The following SNX25 variants were observed in gnomAD, a reference collection of about 807,000 sequenced individuals.
The protein encoded by SNX25 is sorting nexin-25.
SNX25 carries 62 observed loss-of-function variants against 113.7 expected under a neutral mutation model. The ratio of observed to expected loss-of-function variants is 0.55; its 90% CI spans 0.44 to 0.67. The LOEUF is 0.67. SNX25 is among the 30% of genes least tolerant of loss of function. The probability of loss-of-function intolerance (pLI) is 0.00; values close to 1 mark genes in which losing one functional copy is unlikely to be tolerated. For synonymous variants in SNX25, 421 were observed against 436.2 expected, an observed-to-expected ratio of 0.97 and a Z score of 0.43; for missense variants, 1,014 against 1,161.0, an observed-to-expected ratio of 0.87 and a Z score of 1.84.
At chr4:185,238,862 G>A (rs889869486) in intron 1 of SNX25, among the ~76,000 whole-genome samples, 2 of 152,156 alleles carry the variant, frequency 1.3e-5, no homozygotes, top group South Asian at 4.1e-4. Context: ...GAAGAAAATT[G>A]CACGTTACAG....
chr4:185,281,491 G>A (rs1314498676), intron 5 of SNX25, among the ~76,000 whole-genome samples: 1 of 152,126 alleles, frequency 6.6e-6, no homozygotes, highest in East Asian at 1.9e-4. Flanking sequence ...CATAGTGTGT[G>A]TTAGAAACAG....
intron 5 of SNX25, among the ~76,000 whole-genome samples, chr4:185,270,189 A>G (rs1454634090): frequency 1.3e-5 from 2 of 152,130 alleles, no homozygotes; most frequent in African/African-American, 4.8e-5. Context: ...CCGTCTCTAC[A>G]ATAAAAAACA....
chr4:185,267,670 G>T (rs1370104985), intron 5 of SNX25, among the ~76,000 whole-genome samples: 2 of 151,848 alleles, frequency 1.3e-5, no homozygotes, highest in Admixed American at 1.3e-4. Flanking sequence ...GGTGGAGGTT[G>T]CAGTGAGCTG....
chr4:185,291,822 T>C (rs1427736230), intron 6 of SNX25, among the ~76,000 whole-genome samples: 1 of 152,212 alleles, frequency 6.6e-6, no homozygotes, highest in Non-Finnish European at 1.5e-5. Flanking sequence ...TATCTTAACT[T>C]GATCACGTCG....
intron 10 of SNX25, among the ~76,000 whole-genome samples, chr4:185,338,999 CA>C (rs964881013): frequency 1.3e-5 from 2 of 151,108 alleles, no homozygotes; most frequent in East Asian, 1.9e-4. Flanking sequence ...TTTATTTCTG[CA>C]AAAAAAAGTT....
At chr4:185,320,931 T>TA in intron 8 of SNX25, 67 bp downstream of exon 8, 1 of 1,393,822 alleles carries the variant, frequency 7.2e-7, no homozygotes, top group Non-Finnish European at 9.5e-7. Flanking sequence ...TGAGGCAGCA[T>TA]GTCTGTTTTT....
chr4:185,321,533 G>A (rs2095120213), intron 8 of SNX25, among the ~76,000 whole-genome samples: 1 of 152,074 alleles, frequency 6.6e-6, no homozygotes, highest in Admixed American at 6.6e-5. Flanking sequence ...AAAGTACTGG[G>A]ATTACAGTCA....
intron 14 of SNX25, chr4:185,353,153 A>C (rs1485878752): frequency 1.1e-5 from 2 of 182,032 alleles, no homozygotes; most frequent in South Asian, 3.6e-4. Flanking sequence ...CTGCTGTTTT[A>C]AGGGAGTGAA....
intron 10 of SNX25, among the ~76,000 whole-genome samples, chr4:185,338,590 C>T (rs973014035): frequency 2.0e-5 from 3 of 152,018 alleles, no homozygotes; most frequent in African/African-American, 4.8e-5. Flanking sequence ...GCACGGCACC[C>T]TATATTCTGT....
chr4:185,264,364 A>G (rs904672248), intron 3 of SNX25, 74 bp from the exon 4 acceptor site: 3 of 1,380,020 alleles, frequency 2.2e-6, no homozygotes, highest in Admixed American at 4.1e-5. Flanking sequence ...CATTTGAAAT[A>G]TTTTTTACCT....
intron 3 of SNX25, among the ~76,000 whole-genome samples, chr4:185,262,049 C>G (rs112786796): frequency 6.6e-6 from 1 of 152,152 alleles, no homozygotes; most frequent in African/African-American, 2.4e-5. Flanking sequence ...AGTGCTTTGT[C>G]CTAGAAATCT....
At chr4:185,353,323 A>G (rs1318571418) in intron 14 of SNX25, 162 bp from the exon 15 acceptor site, 2 of 548,012 alleles carry the variant, frequency 3.6e-6, no homozygotes, top group African/African-American at 1.9e-5. Flanking sequence ...GCTTTTCTGA[A>G]TCTGTCCTCT....
At chr4:185,231,667 C>T (rs550229567) in intron 1 of SNX25, among the ~76,000 whole-genome samples, 9 of 150,440 alleles carry the variant, frequency 6.0e-5, no homozygotes, top group Non-Finnish European at 8.9e-5. Flanking sequence ...GCTAAGATGG[C>T]GCCACTGCAC....
downstream of SNX25, among the ~76,000 whole-genome samples, chr4:185,373,336 C>T (rs1489247954): frequency 6.6e-6 from 1 of 152,116 alleles, no homozygotes; most frequent in Non-Finnish European, 1.5e-5. Context: ...ACCAGCTGTC[C>T]TAGGTTTCAG....
At chr4:185,371,541 A>C (rs1426672169), downstream of SNX25, among the ~76,000 whole-genome samples, 5 of 6,140 alleles carry the variant, frequency 8.1e-4, no homozygotes, top group South Asian at 6.7e-3. Flanking sequence ...GACTCCGTCT[A>C]AAAAAAAAAA....
At chr4:185,317,534 CA>C (rs1326532025) in intron 7 of SNX25, among the ~76,000 whole-genome samples, 2 of 152,152 alleles carry the variant, frequency 1.3e-5, no homozygotes, top group African/African-American at 4.8e-5. Context: ...ATGTTTATTA[CA>C]GCACTATTTA....
intron 1 of SNX25, among the ~76,000 whole-genome samples, chr4:185,220,975 A>G (rs1265942420): frequency 1.3e-5 from 2 of 150,554 alleles, no homozygotes; most frequent in Non-Finnish European, 3.0e-5. Context: ...GTGATCCTCC[A>G]TGCCTCACTC....
intron 11 of SNX25, among the ~76,000 whole-genome samples, chr4:185,369,422 T>G (rs900033030): frequency 2.0e-5 from 3 of 151,588 alleles, no homozygotes; most frequent in African/African-American, 7.3e-5. Flanking sequence ...TTTAGTATTT[T>G]TAGTAGAGAC....
At chr4:185,350,179 C>T (rs2095308273) in intron 13 of SNX25, among the ~76,000 whole-genome samples, 1 of 152,184 alleles carries the variant, frequency 6.6e-6, no homozygotes, top group African/African-American at 2.4e-5. Context: ...GTATTGGGCC[C>T]TCTCAGAGGT....
Sources: allele counts gnomAD v4.1 joint callset (sites outside exome capture counted in the v4.1 genomes callset), GRCh38; gene constraint gnomAD v4.1.1; transcripts MANE v1.5; gene names NCBI Gene and HGNC (gene_info 2026-07-23, HGNC 2026-07-21).